XRRA1: variants seen among roughly 807,000 people sequenced by gnomAD.
XRRA1 encodes the protein X-ray radiation resistance-associated protein 1.
Under a neutral mutation model 80.2 loss-of-function variants are expected in XRRA1, and 69 were observed. The observed-to-expected ratio is 0.86, with a 90% CI of 0.71 to 1.05. The LOEUF is 1.05. XRRA1 is among the 50% of genes least tolerant of loss of function. The pLI, the probability that XRRA1 is intolerant of heterozygous loss-of-function variation, is 0.00. For synonymous variants in XRRA1, 348 were observed against 389.9 expected, an observed-to-expected ratio of 0.89 and a Z score of 1.27; for missense variants, 967 against 976.4, an observed-to-expected ratio of 0.99 and a Z score of 0.13.
At chr11:74,890,598 A>C (rs1045014658) in intron 10 of XRRA1, among the ~76,000 whole-genome samples, 1 of 152,236 alleles carries the variant, frequency 6.6e-6, no homozygotes, top group Non-Finnish European at 1.5e-5. Flanking sequence ...CTTCAAAAAA[A>C]TCAATGAATC....
In XRRA1 at chr11:74,940,901, A is replaced by G. The variant is rs777856673; in HGVS notation, c.-4-19T>C. 6 of 1,577,610 alleles carry G rather than the reference A, an allele frequency of 3.8e-6. No homozygotes were observed. Among genetic ancestry groups the G allele is most frequent in the Non-Finnish European group, 5.2e-6 (6 of 1,157,004 alleles). On this transcript the variant is annotated intron_variant, in intron 2 of 18. Coordinates refer to ENST00000684022, the MANE Select transcript of XRRA1 (RefSeq NM_001378157.1). ...CATCTCCCTGAGAGCCAGGCAAGGA[A>G]AGCAAGGAAGCAGAAGAGTGAAAAG...
At chr11:74,871,226 G>A (rs1217516513) in intron 10 of XRRA1, among the ~76,000 whole-genome samples, 1 of 152,178 alleles carries the variant, frequency 6.6e-6, no homozygotes, top group Non-Finnish European at 1.5e-5. Flanking sequence ...CTAGATCCAT[G>A]CCTGAGGGAC....
chr11:74,947,110 T>C (rs988199607), intron 1 of XRRA1, among the ~76,000 whole-genome samples: 5 of 152,178 alleles, frequency 3.3e-5, no homozygotes, highest in Admixed American at 1.3e-4. Context: ...TGATTGTTAA[T>C]TGAACTAACC....
Position 74,859,229 on chromosome 11 carries a change from G to T in XRRA1, c.1099C>A (p.Leu367Met). The change falls in exon 12 of 19, where the codon CTG (leucine) becomes ATG (methionine). Residue 367 changes from leucine to methionine, a missense_variant. Transcript: ENST00000684022. ...GCCAGCGTCTGGTTCCTGGCCTTCAGTGACTTCACAGGAAGGATCTCGAAT... is the reference window on the plus strand; with the variant it reads ...GCCAGCGTCTGGTTCCTGGCCTTCATTGACTTCACAGGAAGGATCTCGAAT... ...PIFEILPVKSLKARNQTLAPP... is the reference protein window; with the variant it reads ...PIFEILPVKSMKARNQTLAPP... The T allele has an allele frequency of 6.2e-7, 1 of 1,610,804 alleles. No homozygotes were observed. Among genetic ancestry groups the T allele is most frequent in the Non-Finnish European group, 8.5e-7 (1 of 1,178,720 alleles).
chr11:74,851,332 T>C (rs2135551105), intron 13 of XRRA1, 129 bp from the exon 14 acceptor site: 1 of 617,732 alleles, frequency 1.6e-6, no homozygotes, highest in African/African-American at 1.9e-5. Context: ...AGGAGGTAGG[T>C]CGAGAATTCC....
chr11:74,875,689 CAAAACCCCATCTCTACTAATAATACAAAG>C (rs754574093), intron 10 of XRRA1, among the ~76,000 whole-genome samples: 2 of 152,072 alleles, frequency 1.3e-5, no homozygotes, highest in African/African-American at 2.4e-5. Flanking sequence ...GCCAACATTG[CAAAACCCCATCTCTACTAATAATACAAAG>C]AAATTAACCA....
chr11:74,851,540 G>A (rs7927813), intron 13 of XRRA1, among the ~76,000 whole-genome samples: 3,649 of 152,262 alleles, frequency 0.024, 122 homozygotes, highest in African/African-American at 0.084. Flanking sequence ...TGGCTCCACT[G>A]CTGACCACTC....
chr11:74,890,318 A>T (rs1365037289), intron 10 of XRRA1, among the ~76,000 whole-genome samples: 3 of 152,260 alleles, frequency 2.0e-5, no homozygotes, highest in Non-Finnish European at 2.9e-5. Flanking sequence ...ACACAACGAA[A>T]TGAAGGCAGA....
intron 7 of XRRA1, among the ~76,000 whole-genome samples, chr11:74,924,529 G>T (rs1458162180): frequency 6.7e-6 from 1 of 149,478 alleles, no homozygotes; most frequent in East Asian, 2.0e-4. Flanking sequence ...GTGAAGTTCA[G>T]ATTTCAGTGT....
At chr11:74,887,354 G>A (rs1395350334) in intron 10 of XRRA1, among the ~76,000 whole-genome samples, 1 of 152,136 alleles carries the variant, frequency 6.6e-6, no homozygotes, top group Non-Finnish European at 1.5e-5. Flanking sequence ...AATCTATAAG[G>A]TACTTAAATT....
At chr11:74,863,213 G>GC in intron 10 of XRRA1, 192 bp from the exon 11 acceptor site, 2 of 641,780 alleles carry the variant, frequency 3.1e-6, no homozygotes, top group Non-Finnish European at 5.7e-6. Context: ...AAGTCCCTTT[G>GC]CACTTAGGAT....
chr11:74,849,790 C>G (rs1185906240), intron 14 of XRRA1, among the ~76,000 whole-genome samples: 6 of 152,214 alleles, frequency 3.9e-5, no homozygotes, highest in Non-Finnish European at 8.8e-5. Context: ...TTTGTGTCCT[C>G]ACATCAAAGG....
intron 10 of XRRA1, among the ~76,000 whole-genome samples, chr11:74,887,594 GCAC>G (rs975991745): frequency 6.6e-6 from 1 of 152,148 alleles, no homozygotes; most frequent in African/African-American, 2.4e-5. Context: ...TGGGTGCAGC[GCAC>G]CGAGTGTGAG....
chr11:74,928,762 C>G (rs575911892), intron 6 of XRRA1, among the ~76,000 whole-genome samples: 1 of 152,080 alleles, frequency 6.6e-6, no homozygotes, highest in Non-Finnish European at 1.5e-5. Context: ...CAGCCTTGTA[C>G]GAGTGTGTTA....
At chr11:74,848,510 TCTC>T (rs2038908781) in intron 14 of XRRA1, 48 bp from the exon 15 acceptor site, 2 of 1,514,618 alleles carry the variant, frequency 1.3e-6, no homozygotes, top group Non-Finnish European at 1.8e-6. Context: ...ATTAGGATTC[TCTC>T]CTCCTGGGCC....
intron 16 of XRRA1, among the ~76,000 whole-genome samples, chr11:74,844,674 T>C (rs2037541616): frequency 6.6e-6 from 1 of 152,230 alleles, no homozygotes; most frequent in Non-Finnish European, 1.5e-5. Context: ...CTGCCTCCTT[T>C]GCCTCCAACC....
At chr11:74,930,164 C>T in intron 6 of XRRA1, 136 bp downstream of exon 6, 2 of 756,974 alleles carry the variant, frequency 2.6e-6, no homozygotes, top group Non-Finnish European at 2.2e-6. Context: ...TTGTGCTCTC[C>T]AGCACCCAGC....
chr11:74,879,315 G>C (rs1340974192), intron 10 of XRRA1, among the ~76,000 whole-genome samples: 5 of 152,006 alleles, frequency 3.3e-5, no homozygotes, highest in Admixed American at 2.0e-4. Flanking sequence ...CATTGACTTT[G>C]TATCCTGAGA....
In XRRA1 at chr11:74,910,991, C is replaced by A. The variant is rs550339868; in HGVS notation, c.657-3718G>T. On this transcript the variant is annotated intron_variant, in intron 8 of 18. Coordinates refer to ENST00000684022, the MANE Select transcript of XRRA1 (RefSeq NM_001378157.1). ...AAGGAGGAGAGAGCGAGAAGGAGGG[C>A]TTAATGGCATGGGGATGTGTGTGAG... Among the ~76,000 whole-genome samples, 4 of 152,140 alleles carry A rather than the reference C, an allele frequency of 2.6e-5. No individual in the cohort carries two copies. In the South Asian group the frequency reaches 8.3e-4, roughly 32 times the overall value.
Sources: gnomAD v4.1 joint callset for allele counts (sites outside exome capture counted in the v4.1 genomes callset) on GRCh38, gnomAD v4.1.1 for gene constraint, MANE v1.5 for transcripts, NCBI Gene and HGNC (gene_info 2026-07-23, HGNC 2026-07-21) for gene names.